The following DNAH12 variants were observed in gnomAD, a reference collection of about 807,000 sequenced individuals.
DNAH12 encodes dynein axonemal heavy chain 12, also known as axonemal beta dynein heavy chain 12.
A neutral mutation model predicts 371.5 loss-of-function variants in DNAH12; 285 were observed. The observed-to-expected ratio is 0.77, with a 90% CI of 0.70 to 0.85. DNAH12 has a LOEUF of 0.85. Ranked by LOEUF, DNAH12 falls within the 40% of genes least tolerant of loss-of-function variation. DNAH12 has a pLI of 0.00. For missense variants in DNAH12, 3,611 were observed against 3,689.4 expected (o/e 0.98, Z 0.55); for synonymous variants, 1,200 against 1,213.0 (o/e 0.99, Z 0.22).
chr3:57,468,578 G>A, intron 17 of DNAH12, 158 bp downstream of exon 17: 1 of 402,744 alleles, frequency 2.5e-6, no homozygotes, highest in Non-Finnish European at 3.9e-6. Flanking sequence ...CTACACTCCA[G>A]CCTGGGAAAT....
At chr3:57,402,803 T>A (rs1356388105) in intron 43 of DNAH12, among the ~76,000 whole-genome samples, 18 of 152,228 alleles carry the variant, frequency 1.2e-4, no homozygotes, top group Admixed American at 1.2e-3. Flanking sequence ...GTATTGCATA[T>A]TTCAAGATAG....
chr3:57,332,688 A>G (rs2062127421), intron 62 of DNAH12, among the ~76,000 whole-genome samples: 1 of 152,190 alleles, frequency 6.6e-6, no homozygotes, highest in Admixed American at 6.5e-5. Context: ...GAGTTCAGAA[A>G]TCTGCTCACA....
At chr3:57,439,007 G>T (rs1230585354) in intron 29 of DNAH12, among the ~76,000 whole-genome samples, 1 of 148,298 alleles carries the variant, frequency 6.7e-6, no homozygotes, top group African/African-American at 2.5e-5. Context: ...TAACCAAAGA[G>T]ATAAAGATCT....
chr3:57,531,298 T>C (rs143801728), intron 2 of DNAH12, among the ~76,000 whole-genome samples: 141 of 152,348 alleles, frequency 9.3e-4, no homozygotes, highest in African/African-American at 3.2e-3. Flanking sequence ...GATGCAGTAG[T>C]CTAAGGTTCC....
chr3:57,406,599 GAAAAACAAAATCTTTCAGAGAA>G (rs11276622), intron 40 of DNAH12, among the ~76,000 whole-genome samples: 47,796 of 151,870 alleles, frequency 0.31, 8,261 homozygotes, highest in South Asian at 0.43. Context: ...GTTAAATAGT[GAAAAACAAAATCTTTCAGAGAA>G]AGGGAAATCA....
At chr3:57,346,331 A>G (rs531347572) in intron 60 of DNAH12, among the ~76,000 whole-genome samples, 18 of 152,300 alleles carry the variant, frequency 1.2e-4, no homozygotes, top group Admixed American at 7.8e-4. Context: ...AGTCTGTTAC[A>G]AAGTACTTGC....
intron 2 of DNAH12, among the ~76,000 whole-genome samples, chr3:57,533,226 A>G (rs887765462): frequency 2.0e-5 from 3 of 152,018 alleles, no homozygotes; most frequent in African/African-American, 7.2e-5. Context: ...CTCACCCTTC[A>G]GGGCATTGGG....
intron 62 of DNAH12, among the ~76,000 whole-genome samples, chr3:57,329,369 G>C (rs1375278466): frequency 8.1e-6 from 1 of 123,450 alleles, no homozygotes; most frequent in Non-Finnish European, 1.6e-5. Flanking sequence ...CAGAGATATA[G>C]ATCAATGGAA....
At position 57,294,834 on chromosome 3, in the gene DNAH12, G is replaced by A. The variant is rs982484107; in HGVS notation, c.11692+691C>T. Among the ~76,000 whole-genome samples the A allele has an allele frequency of 2.6e-5, 4 of 152,240 alleles. No homozygotes were observed. The East Asian group carries it at 7.7e-4, about 29-fold the overall frequency. On this transcript the variant is annotated intron_variant, in intron 73 of 73. Coordinates refer to ENST00000495027, the MANE Select transcript of DNAH12 (RefSeq NM_001366028.2). Reference sequence around the variant, plus strand: ...ATATTAAGAGTCTTTCCAAACTAAGGTCACGTTTCTCATAGTTATAACTGA... The same window carrying A: ...ATATTAAGAGTCTTTCCAAACTAAGATCACGTTTCTCATAGTTATAACTGA...
intron 36 of DNAH12, 92 bp downstream of exon 36, chr3:57,421,426 C>A (rs2064576049): frequency 3.6e-5 from 47 of 1,316,876 alleles, no homozygotes; most frequent in Non-Finnish European, 4.9e-5. Context: ...CCGCAGGAGT[C>A]AAAATAACTC....
intron 40 of DNAH12, 88 bp from the exon 41 acceptor site, chr3:57,406,040 T>G (rs1476543174): frequency 7.5e-7 from 1 of 1,337,442 alleles, no homozygotes; most frequent in African/African-American, 1.5e-5. Flanking sequence ...CAAAATATTT[T>G]ATTTACTCTG....
intron 37 of DNAH12, among the ~76,000 whole-genome samples, chr3:57,416,378 C>A (rs1257262323): frequency 6.6e-6 from 1 of 152,202 alleles, no homozygotes; most frequent in Non-Finnish European, 1.5e-5. Flanking sequence ...AGACAGGAGC[C>A]ACTGGGACCA....
At chr3:57,437,437 A>G (rs1259680913) in intron 29 of DNAH12, among the ~76,000 whole-genome samples, 1 of 152,218 alleles carries the variant, frequency 6.6e-6, no homozygotes, top group Non-Finnish European at 1.5e-5. Flanking sequence ...AATTATAAAA[A>G]ATTTAAACAC....
chr3:57,366,462 C>T (rs2063054445), intron 57 of DNAH12, among the ~76,000 whole-genome samples: 1 of 152,152 alleles, frequency 6.6e-6, no homozygotes, highest in Admixed American at 6.6e-5. Flanking sequence ...TGAGATCCAG[C>T]AACCCTTTCG....
chr3:57,302,545 A>G (rs1344645393), intron 69 of DNAH12, among the ~76,000 whole-genome samples: 7 of 86,778 alleles, frequency 8.1e-5, no homozygotes, highest in Non-Finnish European at 1.1e-4. Context: ...ATATATATAT[A>G]TATATATATA....
In DNAH12 at chr3:57,419,372, A is replaced by G. The variant is rs1302503296; in HGVS notation, c.5709T>C (p.Tyr1903=). ...YTFLMDLSIT[Y]AKPLLFVGPT... ...TTTATAGCAGAGTTCCTTACTTTGC[A>G]TAGGTAATACTCAAATCCATTAGAA... is the stretch of plus-strand genomic sequence containing the variant. Residue 1903 remains tyrosine, a synonymous_variant, in exon 37 of 74, where the codon TAT becomes TAC. Coordinates refer to ENST00000495027, the MANE Select transcript of DNAH12 (RefSeq NM_001366028.2). 9.4e-6 allele frequency: 14 copies of G among 1,496,538 alleles called. No homozygotes were observed. The highest frequency in any genetic ancestry group is 1.2e-5 in the Non-Finnish European group (14 of 1,130,102). The allele number at this position is 1,496,538 out of a possible 1,614,324, so 92.7% of individuals were successfully genotyped here. A position where few individuals can be genotyped will look rare whatever the true frequency, so the allele number is the denominator to read the frequency against.
At chr3:57,387,014 T>C (rs1302259719) in intron 46 of DNAH12, 72 bp downstream of exon 46, 1 of 152,192 alleles carries the variant, frequency 6.6e-6, no homozygotes, top group African/African-American at 2.4e-5. Flanking sequence ...AGATAGCAAA[T>C]ACATGTGAAT....
intron 65 of DNAH12, among the ~76,000 whole-genome samples, chr3:57,322,135 C>T (rs992435370): frequency 2.6e-5 from 4 of 152,170 alleles, no homozygotes; most frequent in South Asian, 2.1e-4. Context: ...ATATTTATTT[C>T]GATGTCTACT....
upstream of DNAH12, among the ~76,000 whole-genome samples, chr3:57,545,476 C>T (rs2069499114): frequency 6.6e-6 from 1 of 151,864 alleles, no homozygotes; most frequent in Non-Finnish European, 1.5e-5. Flanking sequence ...CTCTTTTAAA[C>T]TCAGTCCTAT....
Sources: allele counts gnomAD v4.1 joint callset (sites outside exome capture counted in the v4.1 genomes callset), GRCh38; gene constraint gnomAD v4.1.1; transcripts MANE v1.5; gene names NCBI Gene and HGNC (gene_info 2026-07-23, HGNC 2026-07-21).